MYO10: variants seen among roughly 807,000 people sequenced by gnomAD.
The protein encoded by MYO10 is unconventional myosin-X.
In MYO10, 133 loss-of-function variants were observed where a neutral mutation model predicts 257.3. That is an observed-to-expected ratio of 0.52 (90% CI 0.45 to 0.60). The LOEUF is 0.60. MYO10 is among the 20% of genes least tolerant of loss of function. MYO10 has a pLI of 0.00. For missense variants in MYO10, 2,399 were observed against 2,635.7 expected (o/e 0.91, Z 1.97); for synonymous variants, 1,104 against 1,028.6 (o/e 1.07, Z -1.40).
chr5:16,696,833 G>A (rs1484610484), intron 26 of MYO10, among the ~76,000 whole-genome samples: 3 of 148,084 alleles, frequency 2.0e-5, no homozygotes, highest in East Asian at 2.0e-4. Context: ...TCCAGCCTGG[G>A]TGACAGAGCG....
At chr5:16,692,241 G>A (rs941269091) in intron 27 of MYO10, among the ~76,000 whole-genome samples, 2 of 152,056 alleles carry the variant, frequency 1.3e-5, no homozygotes, top group Admixed American at 1.3e-4. Flanking sequence ...GCCAATATGT[G>A]AAACCCTGTC....
In MYO10 at chr5:16,763,445, C is replaced by T. The variant is rs761127727; in HGVS notation, c.1494+36G>A. On this transcript the variant is annotated intron_variant, in intron 14 of 40. Coordinates refer to ENST00000513610, the MANE Select transcript of MYO10 (RefSeq NM_012334.3). ...AATATGAATCAGTCCAGCTGGACCC[C>T]CTTGGGACTGTAACCATTCTTCAAA... 6.5e-6 allele frequency: 10 copies of T among 1,536,828 alleles called. No individual in the cohort carries two copies. The East Asian group carries it at 2.0e-4, about 31-fold the overall frequency.
intron 2 of MYO10, among the ~76,000 whole-genome samples, chr5:16,866,102 T>C (rs1014942776): frequency 6.6e-6 from 1 of 151,430 alleles, no homozygotes; most frequent in Non-Finnish European, 1.5e-5. Flanking sequence ...AAAAAAATTG[T>C]GTATTTATTC....
In MYO10 at chr5:16,890,565, C is replaced by T. The variant is rs143515483; in HGVS notation, c.22-12858G>A. Reference sequence around the variant, plus strand: ...GAATATTATTCAACTATAAGGTTGACGTGGTGGCTCACGCTTGTAATCCCA... The same window carrying T: ...GAATATTATTCAACTATAAGGTTGATGTGGTGGCTCACGCTTGTAATCCCA... On this transcript the variant is annotated intron_variant, in intron 1 of 40. Coordinates refer to ENST00000513610, the MANE Select transcript of MYO10 (RefSeq NM_012334.3). 1.8e-3 allele frequency among the ~76,000 whole-genome samples: 280 copies of T among 151,760 alleles called. 7 individuals are homozygous for T. The highest frequency in any genetic ancestry group is 6.4e-3 in the African/African-American group (263 of 41,112).
At chr5:16,833,933 C>T (rs1447960066) in intron 2 of MYO10, among the ~76,000 whole-genome samples, 3 of 152,140 alleles carry the variant, frequency 2.0e-5, no homozygotes, top group African/African-American at 4.8e-5. Context: ...TCTGGCCATA[C>T]CCTGATTGGA....
rs1376952476 is a variant in MYO10, at chr5:16,702,678, A to T, written c.2511-90T>A. 11 of 1,267,926 alleles carry T rather than the reference A, an allele frequency of 8.7e-6. No individual in the cohort carries two copies. In the East Asian group the frequency reaches 2.8e-4, roughly 32 times the overall value. 78.5% of individuals were successfully genotyped at this position (1,267,926 alleles called of 1,614,324 possible). A position where few individuals can be genotyped will look rare whatever the true frequency, so the allele number is the denominator to read the frequency against. On this transcript the variant is annotated intron_variant, in intron 23 of 40. Transcript: ENST00000513610. ...TCTACGTTTTTAAAACAGCTTTGCC[A>T]AAGACAGAAAGCATGAAAGACAGAG...
Position 16,900,744 on chromosome 5 carries a change from G to GTTTTTTTTTT in MYO10, c.22-23047_22-23038dup, listed in dbSNP as rs374195788. On this transcript the variant is annotated intron_variant, in intron 1 of 40. Coordinates refer to ENST00000513610, the MANE Select transcript of MYO10 (RefSeq NM_012334.3). The stretch of plus-strand genomic sequence containing the variant: ...AAAAGTACACACCTCCCTAAATCTT[G>GTTTTTTTTTT]TTTTTTTTTTTTTGAGACAGAGTCT... Among the ~76,000 whole-genome samples, 28 of 132,738 alleles carry GTTTTTTTTTT rather than the reference G, an allele frequency of 2.1e-4. 3 individuals carry two copies. The highest frequency in any genetic ancestry group is 6.9e-4 in the East Asian group (3 of 4,366). 87.1% of individuals were successfully genotyped at this position (132,738 alleles called of 152,430 possible). A position where few individuals can be genotyped will look rare whatever the true frequency, so the allele number is the denominator to read the frequency against.
rs573599301 is a variant in MYO10 at position 16,868,439 on chromosome 5, C to A, written c.120+9170G>T. Among the ~76,000 whole-genome samples the A allele has an allele frequency of 1.6e-3, 242 of 152,250 alleles. 2 individuals carry two copies. The highest frequency in any genetic ancestry group is 2.9e-3 in the Non-Finnish European group (195 of 68,004). On this transcript the variant is annotated intron_variant, in intron 2 of 40. Coordinates refer to ENST00000513610, the MANE Select transcript of MYO10 (RefSeq NM_012334.3). ...CTAACACGGTGAAACCCCGCCTCTA[C>A]TAAAAATACATAAAATTAGCCAGGC...
chr5:16,682,161 G>T, intron 30 of MYO10, 148 bp from the exon 31 acceptor site: 3 of 960,360 alleles, frequency 3.1e-6, no homozygotes, highest in Non-Finnish European at 4.5e-6. Flanking sequence ...TAAGGCAAAC[G>T]TTGCTCATTT....
At chr5:16,794,894 C>T in intron 3 of MYO10, 61 bp from the exon 4 acceptor site, 1 of 1,278,296 alleles carries the variant, frequency 7.8e-7, no homozygotes. Flanking sequence ...GGATGAGCTC[C>T]AACAAAACCC....
chr5:16,826,504 A>T (rs1302286128), intron 2 of MYO10, among the ~76,000 whole-genome samples: 1 of 152,202 alleles, frequency 6.6e-6, no homozygotes, highest in East Asian at 1.9e-4. Context: ...AAAAAGCAAG[A>T]GTCTCAGGGA....
intron 1 of MYO10, among the ~76,000 whole-genome samples, chr5:16,908,340 C>T (rs1244586736): frequency 6.6e-6 from 1 of 152,032 alleles, no homozygotes; most frequent in Non-Finnish European, 1.5e-5. Flanking sequence ...GCAGCCTGGC[C>T]AATATGGTGA....
rs973663895 is a variant in MYO10, at chr5:16,783,565, T to C, written c.468-96A>G. On this transcript the variant is annotated intron_variant, in intron 4 of 40. Transcript: ENST00000513610. ...GCACTATAATTACTCAACAGAACAATGGTAGAAAGGTGGGAAGAGGGAGAT... is the reference window on the plus strand; with the variant it reads ...GCACTATAATTACTCAACAGAACAACGGTAGAAAGGTGGGAAGAGGGAGAT... The C allele has an allele frequency of 3.8e-6, 5 of 1,320,054 alleles. No homozygotes were observed. In the South Asian group the frequency reaches 5.4e-5, roughly 14 times the overall value. The allele number at this position is 1,320,054 out of a possible 1,614,324, so 81.8% of individuals were successfully genotyped here.
intron 1 of MYO10, chr5:16,916,237 C>T (rs944311227): frequency 2.1e-5 from 9 of 438,410 alleles, no homozygotes; most frequent in African/African-American, 4.0e-5. Flanking sequence ...TTCATTTCAC[C>T]GTCAACAGAT....
intron 9 of MYO10, among the ~76,000 whole-genome samples, chr5:16,778,623 A>G (rs1319405867): frequency 1.3e-5 from 2 of 150,182 alleles, no homozygotes; most frequent in East Asian, 4.0e-4. Context: ...CCGCTCCTGT[A>G]GTGACCTGGA....
At chr5:16,744,799 C>G (rs1455634504) in intron 19 of MYO10, among the ~76,000 whole-genome samples, 1 of 151,798 alleles carries the variant, frequency 6.6e-6, no homozygotes, top group Non-Finnish European at 1.5e-5. Context: ...AAAAAAAAAT[C>G]CTAATCGCCC....
In MYO10 at chr5:16,694,421, T is replaced by G; in HGVS notation, c.3750A>C (p.Glu1250Asp). The G allele has an allele frequency of 6.2e-7, 1 of 1,614,066 alleles. No homozygotes were observed. Among genetic ancestry groups the G allele is most frequent in the Non-Finnish European group, 8.5e-7 (1 of 1,179,906 alleles). ...CCTTGAGCTTCTCCTCGCTGTCGTTTTCAAAGTACATCAGCTTGGACTGGC... is the reference window on the plus strand; with the variant it reads ...CCTTGAGCTTCTCCTCGCTGTCGTTGTCAAAGTACATCAGCTTGGACTGGC... ...VLRQSKLMYF[E>D]NDSEEKLKGT... The change falls in exon 27 of 41, where the codon GAA becomes GAC. Residue 1250 changes from glutamate (E) to aspartate (D), a missense_variant. By Grantham distance (45) the Glu-to-Asp change is conservative. Coordinates refer to ENST00000513610, the MANE Select transcript of MYO10 (RefSeq NM_012334.3).
chr5:16,814,205 G>A (rs1018186599), intron 3 of MYO10, among the ~76,000 whole-genome samples: 2 of 152,152 alleles, frequency 1.3e-5, no homozygotes, highest in African/African-American at 2.4e-5. Flanking sequence ...GGCAGTGCGC[G>A]ATCTCGGCTC....
At chr5:16,837,166 A>C (rs547062962) in intron 2 of MYO10, among the ~76,000 whole-genome samples, 1 of 152,096 alleles carries the variant, frequency 6.6e-6, no homozygotes, top group Non-Finnish European at 1.5e-5. Context: ...CAAAATTAGC[A>C]GGGCGTGGTG....
Sources: gnomAD v4.1 joint callset for allele counts (sites outside exome capture counted in the v4.1 genomes callset) on GRCh38, gnomAD v4.1.1 for gene constraint, MANE v1.5 for transcripts, NCBI Gene and HGNC (gene_info 2026-07-23, HGNC 2026-07-21) for gene names.